The following SVIL variants were observed in gnomAD, a reference collection of about 807,000 sequenced individuals.
The protein encoded by SVIL is archvillin.
Under a neutral mutation model 240.4 loss-of-function variants are expected in SVIL, and 101 were observed. The ratio of observed to expected loss-of-function variants is 0.42; its 90% confidence interval spans 0.36 to 0.50. SVIL has a LOEUF of 0.50. Among genes scored for constraint, SVIL ranks in the 20% least tolerant of loss-of-function variants. SVIL has a pLI of 0.01. For synonymous variants in SVIL, 999 were observed against 1,100.0 expected (o/e 0.91, Z 1.82); for missense variants, 2,512 against 2,818.7 (o/e 0.89, Z 2.46).
In SVIL at chr10:29,554,948, C is replaced by T; in HGVS notation, c.9-14G>A. The T allele has an allele frequency of 6.2e-7, 1 of 1,610,172 alleles. No homozygotes were observed. Among genetic ancestry groups the T allele is most frequent in the Non-Finnish European group, 8.5e-7 (1 of 1,178,006 alleles). On this transcript the variant is annotated splice_polypyrimidine_tract_variant and intron_variant, in intron 4 of 37. Coordinates refer to ENST00000355867, the MANE Select transcript of SVIL (RefSeq NM_021738.3). ...ATTCTTTCTTTTCTGTGAAATACAC[C>T]ACAAGAGGCAGAGTGAGCAACAGCG...
At chr10:29,596,806 G>A (rs533050481) in intron 1 of SVIL, among the ~76,000 whole-genome samples, 19 of 152,170 alleles carry the variant, frequency 1.2e-4, no homozygotes, top group Non-Finnish European at 2.6e-4. Flanking sequence ...TCCATATCTC[G>A]TTTCATCTTC....
chr10:29,586,491 T>C (rs1258534435), intron 1 of SVIL, among the ~76,000 whole-genome samples: 3 of 152,138 alleles, frequency 2.0e-5, no homozygotes, highest in Non-Finnish European at 4.4e-5. Flanking sequence ...CTTAGCTCAC[T>C]TGTGGCAGCC....
chr10:29,646,260 G>A lies in SVIL; in HGVS notation c.-201+11709C>T, dbSNP rs183896546. On this transcript the variant is annotated intron_variant, in intron 3 of 35. Transcript: ENST00000375400. ...TCGTAATTTCTGCTGGCTTTGTGCA[G>A]GCTGTTCCACATGCCTGAATTGGTT... Among the ~76,000 whole-genome samples, 455 of 152,298 alleles carry A rather than the reference G, an allele frequency of 3.0e-3. 2 individuals are homozygous for A. Among genetic ancestry groups the A allele is most frequent in the South Asian group, 9.1e-3 (44 of 4,832 alleles).
In SVIL at chr10:29,490,348, A is replaced by G. The variant is rs562055149; in HGVS notation, c.4192+499T>C. ...GAGATCAAACGACTAATAAGATTAA[A>G]TGAAGAATGATTGTGTGTTCAGGAT... On this transcript the variant is annotated intron_variant, in intron 22 of 37. Coordinates refer to ENST00000355867, the MANE Select transcript of SVIL (RefSeq NM_021738.3). 1.2e-3 allele frequency among the ~76,000 whole-genome samples: 175 copies of G among 151,742 alleles called. 2 individuals are homozygous for G. The highest frequency in any genetic ancestry group is 4.1e-3 in the African/African-American group (168 of 41,474).
intron 1 of SVIL, among the ~76,000 whole-genome samples, chr10:29,573,882 G>C (rs1264419499): frequency 1.3e-5 from 2 of 152,288 alleles, no homozygotes; most frequent in Non-Finnish European, 2.9e-5. Flanking sequence ...TTTTAATAGA[G>C]ACGGGGTTTC....
At chr10:29,724,165 G>GT (rs1964143786) in intron 1 of SVIL, among the ~76,000 whole-genome samples, 1 of 118,384 alleles carries the variant, frequency 8.4e-6, no homozygotes, top group African/African-American at 3.0e-5. Context: ...TTTCTTCTGA[G>GT]TTTTTTGTTT....
chr10:29,530,709 A>G, intron 10 of SVIL, 41 bp from the exon 11 acceptor site: 1 of 1,612,572 alleles, frequency 6.2e-7, no homozygotes. Flanking sequence ...ATCATTAGAG[A>G]AGGTTAAGTT....
intron 1 of SVIL, among the ~76,000 whole-genome samples, chr10:29,598,073 A>C (rs1956667567): frequency 6.6e-6 from 1 of 152,096 alleles, no homozygotes. Context: ...TCAGCCTTTC[A>C]AAGGAAGGAA....
intron 1 of SVIL, among the ~76,000 whole-genome samples, chr10:29,587,429 C>A (rs952534898): frequency 1.3e-5 from 2 of 152,252 alleles, no homozygotes; most frequent in African/African-American, 4.8e-5. Flanking sequence ...CTGCACAATG[C>A]ACGCTCTGGG....
chr10:29,573,353 A>G (rs1955535789), intron 1 of SVIL, among the ~76,000 whole-genome samples: 1 of 152,162 alleles, frequency 6.6e-6, no homozygotes, highest in South Asian at 2.1e-4. Flanking sequence ...TAAATATGAC[A>G]TAGTTGTTGA....
At chr10:29,483,179 G>A (rs1474451216) in intron 27 of SVIL, 1 of 152,224 alleles carries the variant, frequency 6.6e-6, no homozygotes, top group East Asian at 1.9e-4. Flanking sequence ...GGCTTGCTAA[G>A]ATGATGATTG....
chr10:29,715,752 A>G (rs1963575629), intron 1 of SVIL, among the ~76,000 whole-genome samples: 1 of 152,224 alleles, frequency 6.6e-6, no homozygotes, highest in South Asian at 2.1e-4. Flanking sequence ...CCTGAGTGCC[A>G]TGGGACAAGG....
At chr10:29,653,306 C>T (rs889316360) in intron 3 of SVIL, among the ~76,000 whole-genome samples, 11 of 152,232 alleles carry the variant, frequency 7.2e-5, no homozygotes, top group Middle Eastern at 3.4e-3. Flanking sequence ...AGCACCTCCC[C>T]CTTCTCTCTC....
intron 1 of SVIL, among the ~76,000 whole-genome samples, chr10:29,633,349 T>A (rs1236592264): frequency 6.6e-6 from 1 of 151,994 alleles, no homozygotes; most frequent in Non-Finnish European, 1.5e-5. Flanking sequence ...ATTTATATCC[T>A]GCAGTTTTAC....
chr10:29,536,020 C>G lies in SVIL; in HGVS notation c.877G>C (p.Asp293His), dbSNP rs755452129. The change falls in exon 7 of 38, where the codon GAC becomes CAC. Residue 293 changes from aspartate (D) to histidine (H), a missense_variant. Coordinates refer to ENST00000355867, the MANE Select transcript of SVIL (RefSeq NM_021738.3). ...GGCCAGTTGATAAGTGAAGGTGTGTCCCCTTCGGAATCTTTCTGGAGAAAC... is the reference window on the plus strand; with the variant it reads ...GGCCAGTTGATAAGTGAAGGTGTGTGCCCTTCGGAATCTTTCTGGAGAAAC... The part of the protein sequence containing the change: ...EWFLQKDSEG[D>H]TPSLINWPSR... The G allele has an allele frequency of 3.7e-6, 6 of 1,614,068 alleles. No homozygotes were observed. Among genetic ancestry groups the G allele is most frequent in the African/African-American group, 1.3e-5 (1 of 74,920 alleles).
intron 1 of SVIL, among the ~76,000 whole-genome samples, chr10:29,706,266 A>G (rs1962884987): frequency 6.6e-6 from 1 of 152,228 alleles, no homozygotes; most frequent in Admixed American, 6.5e-5. Context: ...AGTAATTTAC[A>G]TTCCCACCAA....
chr10:29,627,954 TTC>T (rs1957939692), intron 1 of SVIL, among the ~76,000 whole-genome samples: 1 of 152,230 alleles, frequency 6.6e-6, no homozygotes, highest in Non-Finnish European at 1.5e-5. Context: ...AGCTAGCTGC[TTC>T]TTAACGGTAC....
At chr10:29,585,503 CAA>C (rs1956129320) in intron 1 of SVIL, among the ~76,000 whole-genome samples, 1 of 152,058 alleles carries the variant, frequency 6.6e-6, no homozygotes. Flanking sequence ...ATTTTTTTAA[CAA>C]GAGGAGAAAG....
intron 27 of SVIL, among the ~76,000 whole-genome samples, chr10:29,482,657 G>C (rs781153469): frequency 6.6e-6 from 1 of 152,234 alleles, no homozygotes; most frequent in Non-Finnish European, 1.5e-5. Flanking sequence ...AGAGCACAGA[G>C]AGATAGGAAA....
Sources: allele counts gnomAD v4.1 joint callset (sites outside exome capture counted in the v4.1 genomes callset), GRCh38; gene constraint gnomAD v4.1.1; transcripts MANE v1.5; gene names NCBI Gene and HGNC (gene_info 2026-07-23, HGNC 2026-07-21).